Variants in PCDH9 observed in about 807,000 individuals in gnomAD.
PCDH9 encodes the protein protocadherin 9.
In PCDH9, 24 loss-of-function variants were observed where a neutral mutation model predicts 70.6. That is an observed-to-expected ratio of 0.34 (90% CI 0.25 to 0.48). PCDH9 has a LOEUF of 0.48. Ranked by LOEUF, PCDH9 falls within the 20% of genes least tolerant of loss-of-function variation. The probability of loss-of-function intolerance (pLI) is 0.99; values close to 1 mark genes in which losing one functional copy is unlikely to be tolerated. For synonymous variants in PCDH9, 562 were observed against 558.5 expected, an observed-to-expected ratio of 1.01 and a Z score of -0.09; for missense variants, 1,281 against 1,503.6, an observed-to-expected ratio of 0.85 and a Z score of 2.45.
intron 3 of PCDH9, among the ~76,000 whole-genome samples, chr13:66,779,105 T>C (rs1161068463): frequency 6.6e-6 from 1 of 152,182 alleles, no homozygotes; most frequent in Non-Finnish European, 1.5e-5. Flanking sequence ...GAGTTCCCTA[T>C]GCAGTCTCCT....
chr13:66,820,637 G>T (rs1594102897), intron 3 of PCDH9, among the ~76,000 whole-genome samples: 1 of 152,044 alleles, frequency 6.6e-6, no homozygotes, highest in African/African-American at 2.4e-5. Context: ...AGAAAATGTG[G>T]TACATATACA....
intron 4 of PCDH9, among the ~76,000 whole-genome samples, chr13:66,387,970 G>C (rs1236844931): frequency 6.6e-6 from 1 of 152,036 alleles, no homozygotes; most frequent in Non-Finnish European, 1.5e-5. Flanking sequence ...TTTCTCCCAA[G>C]CTAATATTCG....
intron 2 of PCDH9, chr13:67,207,614 G>A (rs540913332): frequency 2.0e-5 from 3 of 152,236 alleles, no homozygotes; most frequent in East Asian, 3.9e-4. Flanking sequence ...ATGGTACCAA[G>A]GTGAATGCTG....
At chr13:66,669,295 C>G (rs1322107386) in intron 3 of PCDH9, among the ~76,000 whole-genome samples, 1 of 152,182 alleles carries the variant, frequency 6.6e-6, no homozygotes, top group Non-Finnish European at 1.5e-5. Context: ...AGTAACTTTT[C>G]AACCTCAGCA....
At chr13:66,813,909 G>A (rs1236412614) in intron 3 of PCDH9, among the ~76,000 whole-genome samples, 1 of 152,098 alleles carries the variant, frequency 6.6e-6, no homozygotes, top group Non-Finnish European at 1.5e-5. Context: ...AAATAGTAAA[G>A]ATAACTACCA....
chr13:66,366,973 T>C (rs1956563874), intron 4 of PCDH9, among the ~76,000 whole-genome samples: 2 of 152,146 alleles, frequency 1.3e-5, no homozygotes, highest in East Asian at 1.9e-4. Context: ...TGTGGTTATG[T>C]TTAGCAAGAA....
intron 2 of PCDH9, among the ~76,000 whole-genome samples, chr13:66,924,173 AC>A (rs2082680955): frequency 1.3e-5 from 2 of 151,710 alleles, no homozygotes; most frequent in South Asian, 4.2e-4. Context: ...TAATTTGTAA[AC>A]CCCTCTTCTA....
intron 3 of PCDH9, among the ~76,000 whole-genome samples, chr13:66,792,998 G>T (rs1179864034): frequency 1.3e-5 from 2 of 152,014 alleles, no homozygotes; most frequent in Non-Finnish European, 2.9e-5. Context: ...TTTCACCTTA[G>T]TTGATTGGAT....
At chr13:66,401,308 C>G (rs192628419) in intron 4 of PCDH9, among the ~76,000 whole-genome samples, 1 of 151,858 alleles carries the variant, frequency 6.6e-6, no homozygotes, top group Non-Finnish European at 1.5e-5. Flanking sequence ...CTGTTCTTCT[C>G]GTGATAGTGA....
chr13:66,988,320 G>A (rs2083934736), intron 2 of PCDH9, among the ~76,000 whole-genome samples: 1 of 151,968 alleles, frequency 6.6e-6, no homozygotes, highest in Non-Finnish European at 1.5e-5. Flanking sequence ...GTAGTCTGAT[G>A]TTTACATAAC....
At chr13:66,798,342 C>T (rs113848708) in intron 3 of PCDH9, among the ~76,000 whole-genome samples, 5 of 152,052 alleles carry the variant, frequency 3.3e-5, no homozygotes, top group Admixed American at 1.3e-4. Flanking sequence ...GATCCAAATG[C>T]GTCTTTAAGA....
At chr13:66,690,706 C>T (rs1026075123) in intron 3 of PCDH9, among the ~76,000 whole-genome samples, 6 of 152,130 alleles carry the variant, frequency 3.9e-5, no homozygotes, top group Admixed American at 6.5e-5. Flanking sequence ...CAAAGTAGTC[C>T]AGAGGATAGA....
intron 4 of PCDH9, among the ~76,000 whole-genome samples, chr13:66,474,075 C>T (rs2138490254): frequency 6.6e-6 from 1 of 152,246 alleles, no homozygotes; most frequent in South Asian, 2.1e-4. Context: ...TTGACTCTGA[C>T]AACAAATGCA....
intron 2 of PCDH9, among the ~76,000 whole-genome samples, chr13:66,973,756 A>G (rs761827183): frequency 3.6e-4 from 55 of 151,996 alleles, no homozygotes; most frequent in Non-Finnish European, 4.4e-4. Context: ...TTTTTGTATT[A>G]CTTCTTATTG....
At chr13:66,335,316 A>G (rs1956018720) in intron 4 of PCDH9, among the ~76,000 whole-genome samples, 1 of 152,106 alleles carries the variant, frequency 6.6e-6, no homozygotes. Flanking sequence ...TCTCCTACTT[A>G]TCTCCTCTTA....
intron 2 of PCDH9, among the ~76,000 whole-genome samples, chr13:66,999,652 C>T (rs557724066): frequency 1.3e-3 from 204 of 151,324 alleles, no homozygotes; most frequent in African/African-American, 4.4e-3. Context: ...AACAAACAAC[C>T]CCATCAAAAA....
At chr13:66,367,410 A>G (rs1265466906) in intron 4 of PCDH9, among the ~76,000 whole-genome samples, 2 of 152,186 alleles carry the variant, frequency 1.3e-5, no homozygotes. Flanking sequence ...AAATAAATGC[A>G]CATTTCCTTG....
At chr13:66,939,483 G>C (rs2082973163) in intron 2 of PCDH9, among the ~76,000 whole-genome samples, 2 of 149,206 alleles carry the variant, frequency 1.3e-5, no homozygotes, top group Admixed American at 6.8e-5. Context: ...TGTTGCCCAG[G>C]GTGCAATGGT....
In PCDH9 at chr13:66,670,623, T is replaced by C. The variant is rs1009027598; in HGVS notation, c.3139-39212A>G. Among the ~76,000 whole-genome samples the C allele has an allele frequency of 1.1e-4, 16 of 152,212 alleles. No individual in the cohort carries two copies. The East Asian group carries it at 3.1e-3, about 29-fold the overall frequency. ...AGTTAAATGAGAAGAGGAAGGGAAG[T>C]GTAAGGAAAGATGAAAATTGTAGAA... On this transcript the variant is annotated intron_variant, in intron 3 of 4. Transcript: ENST00000377865.
Sources: gnomAD v4.1 joint callset for allele counts (sites outside exome capture counted in the v4.1 genomes callset) on GRCh38, gnomAD v4.1.1 for gene constraint, MANE v1.5 for transcripts, NCBI Gene and HGNC (gene_info 2026-07-23, HGNC 2026-07-21) for gene names.